Variants in DLG2 observed in about 807,000 individuals in gnomAD.
DLG2 encodes disks large homolog 2.
A neutral mutation model predicts 132.5 loss-of-function variants in DLG2; 45 were observed. The ratio of observed to expected loss-of-function variants is 0.34; its 90% CI spans 0.27 to 0.44. DLG2 has a LOEUF of 0.44. Among genes scored for constraint, DLG2 ranks in the 20% least tolerant of loss-of-function variants. DLG2 has a pLI of 1.00. For missense variants in DLG2, 1,045 were observed against 1,196.9 expected, an observed-to-expected ratio of 0.87 and a Z score of 1.87; for synonymous variants, 424 against 419.6, an observed-to-expected ratio of 1.01 and a Z score of -0.13.
intron 11 of DLG2, among the ~76,000 whole-genome samples, chr11:83,997,713 A>G (rs530797057): frequency 8.9e-6 from 1 of 112,890 alleles, no homozygotes; most frequent in African/African-American, 3.3e-5. Flanking sequence ...CCTGGGTGAC[A>G]GAGCAAGACT....
intron 6 of DLG2, among the ~76,000 whole-genome samples, chr11:84,777,287 A>G (rs1215211769): frequency 9.8e-3 from 181 of 18,504 alleles, no homozygotes; most frequent in Non-Finnish European, 0.017. Flanking sequence ...GTGTGTATAT[A>G]TATATATATA....
chr11:85,057,278 G>T (rs909806676), intron 6 of DLG2, among the ~76,000 whole-genome samples: 10 of 151,530 alleles, frequency 6.6e-5, no homozygotes, highest in Admixed American at 2.6e-4. Context: ...ATTAGAAAAG[G>T]CTTTAAAATG....
At chr11:84,178,612 G>A (rs1054915446) in intron 8 of DLG2, among the ~76,000 whole-genome samples, 2 of 152,146 alleles carry the variant, frequency 1.3e-5, no homozygotes, top group East Asian at 1.9e-4. Context: ...ATCCATTGGT[G>A]AAGGATGGAA....
At chr11:85,239,784 C>T (rs1416583521) in intron 4 of DLG2, among the ~76,000 whole-genome samples, 3 of 151,940 alleles carry the variant, frequency 2.0e-5, no homozygotes, top group Non-Finnish European at 4.4e-5. Flanking sequence ...AAGAACATAA[C>T]ACAATCCATT....
intron 8 of DLG2, among the ~76,000 whole-genome samples, chr11:84,166,542 GA>G (rs2095670276): frequency 7.5e-6 from 1 of 133,174 alleles, no homozygotes; most frequent in South Asian, 2.6e-4. Context: ...AAGAAAGAAA[GA>G]AAAAAACAAT....
At chr11:84,445,144 A>G (rs550285536) in intron 7 of DLG2, among the ~76,000 whole-genome samples, 1 of 152,256 alleles carries the variant, frequency 6.6e-6, no homozygotes, top group Non-Finnish European at 1.5e-5. Context: ...ATCTTGCTAT[A>G]GTAGTTACAT....
intron 8 of DLG2, among the ~76,000 whole-genome samples, chr11:84,214,177 G>A (rs967083106): frequency 7.5e-6 from 1 of 133,216 alleles, no homozygotes; most frequent in Admixed American, 7.1e-5. Context: ...TCAATTCAGA[G>A]CCAAAACTAG....
At chr11:84,403,467 C>A (rs1307677965) in intron 7 of DLG2, among the ~76,000 whole-genome samples, 3 of 152,202 alleles carry the variant, frequency 2.0e-5, no homozygotes, top group Non-Finnish European at 2.9e-5. Context: ...CCACCACCCT[C>A]ATTCAAGCCA....
chr11:83,881,984 T>C (rs1005832286), intron 15 of DLG2, among the ~76,000 whole-genome samples: 27 of 151,992 alleles, frequency 1.8e-4, no homozygotes, highest in Admixed American at 1.6e-3. Flanking sequence ...TCAAAAAATA[T>C]TATAAAATAA....
intron 6 of DLG2, among the ~76,000 whole-genome samples, chr11:84,619,640 T>A (rs1163475309): frequency 6.6e-6 from 1 of 150,904 alleles, no homozygotes; most frequent in African/African-American, 2.4e-5. Flanking sequence ...ATCATGATCA[T>A]CTCAACAAAT....
At chr11:84,980,926 G>C (rs1324171289) in intron 6 of DLG2, among the ~76,000 whole-genome samples, 1 of 152,096 alleles carries the variant, frequency 6.6e-6, no homozygotes, top group Non-Finnish European at 1.5e-5. Flanking sequence ...CTTTCCCAGA[G>C]CTGGTTATAT....
intron 7 of DLG2, among the ~76,000 whole-genome samples, chr11:84,453,378 A>C (rs963937011): frequency 6.6e-6 from 1 of 151,670 alleles, no homozygotes; most frequent in Non-Finnish European, 1.5e-5. Flanking sequence ...TTGAGGTTCT[A>C]TGTAATGGAA....
At chr11:84,124,571 T>C (rs1197000111) in intron 9 of DLG2, among the ~76,000 whole-genome samples, 1 of 152,208 alleles carries the variant, frequency 6.6e-6, no homozygotes, top group Admixed American at 6.5e-5. Flanking sequence ...TTAACAAATG[T>C]TTAGTGAAGG....
intron 14 of DLG2, among the ~76,000 whole-genome samples, chr11:83,935,102 T>A (rs913857517): frequency 6.6e-6 from 1 of 152,166 alleles, no homozygotes; most frequent in African/African-American, 2.4e-5. Context: ...GGAGGGGGCA[T>A]CCAACCGCAT....
chr11:84,490,883 T>TTG, intron 7 of DLG2, among the ~76,000 whole-genome samples: 1 of 128,440 alleles, frequency 7.8e-6, no homozygotes, highest in East Asian at 2.1e-4. Flanking sequence ...ATCTGAATGG[T>TTG]TGCGTGTGTG....
At chr11:83,927,294 A>T (rs559715926) in intron 15 of DLG2, among the ~76,000 whole-genome samples, 2 of 152,296 alleles carry the variant, frequency 1.3e-5, no homozygotes, top group East Asian at 3.9e-4. Context: ...AGCAGGTGAT[A>T]CAGTCATGAA....
intron 7 of DLG2, among the ~76,000 whole-genome samples, chr11:84,295,926 T>C (rs541390115): frequency 1.3e-3 from 197 of 152,316 alleles, no homozygotes; most frequent in Admixed American, 4.4e-3. Flanking sequence ...TGGTATTCTA[T>C]CATACAGTAA....
intron 6 of DLG2, among the ~76,000 whole-genome samples, chr11:84,547,023 T>A (rs1413952580): frequency 1.3e-5 from 2 of 152,198 alleles, no homozygotes; most frequent in East Asian, 3.9e-4. Context: ...GATAACCACA[T>A]GACCTTGGGC....
chr11:83,732,950 T>C (rs1180061481), intron 18 of DLG2, among the ~76,000 whole-genome samples: 2 of 151,956 alleles, frequency 1.3e-5, no homozygotes, highest in Non-Finnish European at 2.9e-5. Flanking sequence ...TATTTAGAAA[T>C]TGACTCAATG....
Sources: gnomAD v4.1 joint callset for allele counts (sites outside exome capture counted in the v4.1 genomes callset) on GRCh38, gnomAD v4.1.1 for gene constraint, MANE v1.5 for transcripts, NCBI Gene and HGNC (gene_info 2026-07-23, HGNC 2026-07-21) for gene names.